DGKI: variants seen among roughly 807,000 people sequenced by gnomAD.
DGKI encodes the protein diacylglycerol kinase iota, also known as DAG kinase iota.
Under a neutral mutation model 147.5 loss-of-function variants are expected in DGKI, and 55 were observed. That is an observed-to-expected ratio of 0.37 (90% CI 0.30 to 0.47). The LOEUF is 0.47. DGKI is among the 20% of genes least tolerant of loss of function. The pLI is 1.00. For synonymous variants in DGKI, 469 were observed against 477.1 expected (o/e 0.98, Z 0.22); for missense variants, 1,007 against 1,323.8 (o/e 0.76, Z 3.71).
chr7:137,504,799 C>G (rs1472150928), intron 21 of DGKI, among the ~76,000 whole-genome samples: 1 of 151,972 alleles, frequency 6.6e-6, no homozygotes, highest in Non-Finnish European at 1.5e-5. Flanking sequence ...AGGAGAAAAG[C>G]TAGATAAGCT....
intron 3 of DGKI, among the ~76,000 whole-genome samples, chr7:137,677,848 A>G (rs1823087715): frequency 6.6e-6 from 1 of 152,170 alleles, no homozygotes; most frequent in African/African-American, 2.4e-5. Context: ...TGGACCAATC[A>G]TTTAAAACTA....
At chr7:137,499,490 G>C (rs1326640155) in intron 21 of DGKI, among the ~76,000 whole-genome samples, 6 of 152,100 alleles carry the variant, frequency 3.9e-5, no homozygotes, top group African/African-American at 1.4e-4. Flanking sequence ...GTCAATGTGG[G>C]CAAGTGTCAT....
chr7:137,472,510 C>G (rs1020549736), intron 23 of DGKI, among the ~76,000 whole-genome samples: 1 of 145,262 alleles, frequency 6.9e-6, no homozygotes, highest in African/African-American at 2.5e-5. Flanking sequence ...TATATTTCCT[C>G]TTTTTTGAAC....
intron 21 of DGKI, among the ~76,000 whole-genome samples, chr7:137,498,508 G>A (rs993331534): frequency 6.6e-6 from 1 of 151,956 alleles, no homozygotes; most frequent in African/African-American, 2.4e-5. Context: ...AGAGTACTGG[G>A]GACAAAAGGA....
chr7:137,644,808 C>T (rs929644468), intron 6 of DGKI, among the ~76,000 whole-genome samples: 4 of 152,120 alleles, frequency 2.6e-5, no homozygotes, highest in African/African-American at 4.8e-5. Flanking sequence ...TAAAGTAGAT[C>T]TTTGTACATT....
At chr7:137,457,092 A>T (rs867954505) in intron 27 of DGKI, among the ~76,000 whole-genome samples, 1 of 152,192 alleles carries the variant, frequency 6.6e-6, no homozygotes, top group African/African-American at 2.4e-5. Context: ...AGGAAGACAT[A>T]TGTCAGCTAT....
At chr7:137,578,768 T>C (rs1031663575) in intron 15 of DGKI, among the ~76,000 whole-genome samples, 2 of 152,116 alleles carry the variant, frequency 1.3e-5, no homozygotes, top group African/African-American at 4.8e-5. Context: ...TGGAAGAAGG[T>C]GGAGAAGCGA....
At chr7:137,526,822 T>C (rs1254935163) in intron 20 of DGKI, among the ~76,000 whole-genome samples, 1 of 152,148 alleles carries the variant, frequency 6.6e-6, no homozygotes, top group African/African-American at 2.4e-5. Flanking sequence ...AACGTCTTCC[T>C]CCTTTTGATC....
chr7:137,608,898 G>C (rs912604188), intron 10 of DGKI, 68 bp downstream of exon 10: 11 of 1,200,360 alleles, frequency 9.2e-6, no homozygotes, highest in Admixed American at 3.5e-5. Context: ...ATTTTAATTG[G>C]CAGTGAGAGT....
intron 8 of DGKI, among the ~76,000 whole-genome samples, chr7:137,615,634 A>G (rs1391468741): frequency 6.6e-6 from 1 of 151,338 alleles, no homozygotes; most frequent in Non-Finnish European, 1.5e-5. Flanking sequence ...ATTTTCCGTT[A>G]GTCACTTCCC....
chr7:137,565,135 T>C (rs1818542139), intron 19 of DGKI, among the ~76,000 whole-genome samples: 1 of 152,210 alleles, frequency 6.6e-6, no homozygotes, highest in Admixed American at 6.5e-5. Context: ...ATTATGTTAA[T>C]TACAGGATTA....
chr7:137,715,618 G>C (rs1469113621), intron 1 of DGKI, among the ~76,000 whole-genome samples: 1 of 152,158 alleles, frequency 6.6e-6, no homozygotes, highest in Non-Finnish European at 1.5e-5. Flanking sequence ...CAATACTATG[G>C]CATATGCCTA....
chr7:137,483,161 T>G (rs1226700303), intron 23 of DGKI, among the ~76,000 whole-genome samples: 1 of 152,080 alleles, frequency 6.6e-6, no homozygotes, highest in Non-Finnish European at 1.5e-5. Flanking sequence ...TCTCCATGAA[T>G]AGTTACAGAT....
chr7:137,499,516 G>A (rs1816096088), intron 21 of DGKI, among the ~76,000 whole-genome samples: 1 of 152,068 alleles, frequency 6.6e-6, no homozygotes, highest in Non-Finnish European at 1.5e-5. Context: ...CATCCAATCT[G>A]CTTGGGGCCT....
chr7:137,658,935 G>A (rs1822320379), intron 3 of DGKI, among the ~76,000 whole-genome samples: 1 of 152,204 alleles, frequency 6.6e-6, no homozygotes, highest in Non-Finnish European at 1.5e-5. Flanking sequence ...AGTGCTGTAA[G>A]TTCTAAAACT....
intron 1 of DGKI, among the ~76,000 whole-genome samples, chr7:137,724,766 AG>A (rs1456025478): frequency 1.3e-5 from 2 of 152,214 alleles, no homozygotes; most frequent in Non-Finnish European, 2.9e-5. Context: ...GATGTCAAGT[AG>A]GAGGTGTGGA....
At chr7:137,687,075 G>A (rs543337841) in intron 2 of DGKI, among the ~76,000 whole-genome samples, 13 of 152,180 alleles carry the variant, frequency 8.5e-5, no homozygotes, top group Admixed American at 3.9e-4. Context: ...TGATTCCCCT[G>A]AGCCAAAGTG....
At chr7:137,484,520 C>A (rs192343793) in intron 23 of DGKI, among the ~76,000 whole-genome samples, 1 of 151,996 alleles carries the variant, frequency 6.6e-6, no homozygotes. Context: ...GGGTAAGGAG[C>A]CTTCAGATAA....
intron 1 of DGKI, among the ~76,000 whole-genome samples, chr7:137,791,550 C>G (rs999232641): frequency 2.0e-5 from 3 of 152,118 alleles, no homozygotes; most frequent in African/African-American, 7.2e-5. Flanking sequence ...GAGCTATGTC[C>G]CTTAAAATTT....
Sources: allele counts gnomAD v4.1 joint callset (sites outside exome capture counted in the v4.1 genomes callset), GRCh38; gene constraint gnomAD v4.1.1; transcripts MANE v1.5; gene names NCBI Gene and HGNC (gene_info 2026-07-23, HGNC 2026-07-21).